The following ITPR3 variants were observed in gnomAD, a reference collection of about 807,000 sequenced individuals.
The protein encoded by ITPR3 is inositol 1,4,5-trisphosphate receptor type 3.
In ITPR3, 173 loss-of-function variants were observed where a neutral mutation model predicts 293.2. The ratio of observed to expected loss-of-function variants is 0.59; its 90% CI spans 0.52 to 0.67. ITPR3 has a LOEUF of 0.67. Ranked by LOEUF, ITPR3 falls within the 30% of genes least tolerant of loss-of-function variation. The pLI is 0.00. For missense variants in ITPR3, 2,796 were observed against 3,592.1 expected, an observed-to-expected ratio of 0.78 and a Z score of 5.66; for synonymous variants, 1,295 against 1,444.4, an observed-to-expected ratio of 0.90 and a Z score of 2.35.
Position 33,621,574 on chromosome 6 carries a change from C to G in ITPR3, c.-29C>G. On this transcript the variant is annotated 5_prime_UTR_variant, in exon 1 of 58. Coordinates refer to ENST00000605930, the MANE Select transcript of ITPR3 (RefSeq NM_002224.4). The surrounding 1 kb of genome is among the most constrained non-coding windows in gnomAD (Gnocchi z 7.7). ...TGGCCACGCGCCCCTAGGCGCCCCC[C>G]ACGCCCTGGGCCCCGGAGGGCCGCA... 1 of 1,549,878 alleles carries G rather than the reference C, an allele frequency of 6.5e-7. No homozygotes were observed.
Position 33,688,417 on chromosome 6 carries a change from A to T in ITPR3, c.6554A>T (p.Gln2185Leu), listed in dbSNP as rs764717402. ...TTCCTGCACAACGAGATGGAGTGGC[A>T]GCGCAAGCTCCGCAGTGAGGACCCA... The part of the protein sequence containing the change: ...SSFLHNEMEW[Q>L]RKLRSMPLIY... Residue 2185 changes from glutamine to leucine, a missense_variant, in exon 48 of 58, where the codon CAG becomes CTG. By Grantham distance (113) the Gln-to-Leu change is moderately radical. Around this residue, in one of 8 missense-constraint regions of ITPR3, gnomAD observed 568 missense variants for 796.1 expected, o/e 0.71. Transcript: ENST00000605930. 7 of 1,210,472 alleles carry T rather than the reference A, an allele frequency of 5.8e-6. No individual in the cohort carries two copies. The Admixed American group carries it at 8.5e-5, about 15-fold the overall frequency. The allele number at this position is 1,210,472 out of a possible 1,614,324, so 75.0% of individuals were successfully genotyped here.
intron 7 of ITPR3, among the ~76,000 whole-genome samples, chr6:33,660,443 C>G (rs1224647678): frequency 1.3e-5 from 2 of 151,988 alleles, no homozygotes; most frequent in African/African-American, 4.8e-5. Context: ...TGCCTCAGTC[C>G]CCCACCCTCC....
rs747104131 is a variant in ITPR3, at chr6:33,686,997, C to T, written c.5980-12C>T. On this transcript the variant is annotated splice_polypyrimidine_tract_variant and intron_variant, in intron 43 of 57. Transcript: ENST00000605930. ...GAGACTGTGGCCTGCCTCCCTCTGCCCCTCCACCCAGGACAATGCCTCCAA... is the reference window on the plus strand; with the variant it reads ...GAGACTGTGGCCTGCCTCCCTCTGCTCCTCCACCCAGGACAATGCCTCCAA... The T allele has an allele frequency of 1.9e-6, 3 of 1,609,906 alleles. No individual in the cohort carries two copies. Among genetic ancestry groups the T allele is most frequent in the East Asian group, 4.5e-5 (2 of 44,842 alleles).
At position 33,621,525 on chromosome 6, in the gene ITPR3, C is replaced by A; in HGVS notation, c.-78C>A. 1 of 977,510 alleles carries A rather than the reference C, an allele frequency of 1.0e-6. No individual in the cohort carries two copies. The allele number at this position is 977,510 out of a possible 1,614,324, so 60.6% of individuals were successfully genotyped here. A position where few individuals can be genotyped will look rare whatever the true frequency, so the allele number is the denominator to read the frequency against. The stretch of plus-strand genomic sequence containing the variant: ...AGCGTACCCCTCCCCGCTCCCCGGA[C>A]GCCTCAGTCCTCCGCACTGAGCTTG... On this transcript the variant is annotated 5_prime_UTR_variant, in exon 1 of 58. Coordinates refer to ENST00000605930, the MANE Select transcript of ITPR3 (RefSeq NM_002224.4). The surrounding 1 kb of genome is among the most constrained non-coding windows in gnomAD (Gnocchi z 7.7).
rs1373464784 is a variant in ITPR3, at chr6:33,689,310, C to T, written c.6767C>T (p.Thr2256Ile). 6.2e-7 allele frequency: 1 copy of T among 1,612,832 alleles called. No homozygotes were observed. The highest frequency in any genetic ancestry group is 8.5e-7 in the Non-Finnish European group (1 of 1,180,028). Residue 2256 changes from threonine (T) to isoleucine (I), a missense_variant, in exon 50 of 58, where the codon ACC becomes ATC. This residue lies in a region of ITPR3 where 568 missense variants were observed against 796.1 expected (regional missense o/e 0.71). Transcript: ENST00000605930. ...TGCTTCTCCATCGCGGCCCTGTTCACCAAGCGCTACAGCATCCGCCCCCTC... is the reference window on the plus strand; with the variant it reads ...TGCTTCTCCATCGCGGCCCTGTTCATCAAGCGCTACAGCATCCGCCCCCTC... ...LICFSIAALF[T>I]KRYSIRPLIV...
At chr6:33,628,845 C>T (rs1035471014) in intron 1 of ITPR3, among the ~76,000 whole-genome samples, 2 of 152,278 alleles carry the variant, frequency 1.3e-5, no homozygotes, top group African/African-American at 4.8e-5. Context: ...AAATTGCTCT[C>T]CCCATCGCTC....
At chr6:33,641,630 C>T (rs75343653) in intron 2 of ITPR3, among the ~76,000 whole-genome samples, 2,528 of 152,098 alleles carry the variant, frequency 0.017, 81 homozygotes, top group African/African-American at 0.054. Flanking sequence ...GCCCCTTCAC[C>T]CTACACCGTT....
chr6:33,664,349 A>G lies in ITPR3; in HGVS notation c.1148+469A>G, dbSNP rs1452115808. ...GTGGGAACATCAAGTTTCCCTGTCA[A>G]CAGGGCTAATGGGAGAGTTAATTGA... On this transcript the variant is annotated intron_variant, in intron 11 of 57. Transcript: ENST00000605930. The surrounding 1 kb of genome is among the most constrained non-coding windows in gnomAD (Gnocchi z 4.4). Among the ~76,000 whole-genome samples the G allele has an allele frequency of 3.3e-5, 5 of 152,192 alleles. No individual in the cohort carries two copies. The highest frequency in any genetic ancestry group is 9.6e-5 in the African/African-American group (4 of 41,456).
chr6:33,634,166 G>A (rs146770586), intron 1 of ITPR3, among the ~76,000 whole-genome samples: 1 of 152,280 alleles, frequency 6.6e-6, no homozygotes, highest in Non-Finnish European at 1.5e-5. Flanking sequence ...AGTACGCACA[G>A]AGACACGGGT....
At position 33,680,470 on chromosome 6, in the gene ITPR3, G is replaced by A; in HGVS notation, c.4350+16G>A. 1 of 1,612,372 alleles carries A rather than the reference G, an allele frequency of 6.2e-7. No individual in the cohort carries two copies. On this transcript the variant is annotated intron_variant, in intron 32 of 57. Transcript: ENST00000605930. ...CATGGCCCGGGTCTGTCCCTGTGAGGGGTGTGGGTGAAGCCCCCCAGGAGG... is the reference window on the plus strand; with the variant it reads ...CATGGCCCGGGTCTGTCCCTGTGAGAGGTGTGGGTGAAGCCCCCCAGGAGG...
chr6:33,669,183 C>G (rs369432667), intron 18 of ITPR3, 27 bp downstream of exon 18: 11 of 1,605,148 alleles, frequency 6.9e-6, no homozygotes, highest in Non-Finnish European at 9.4e-6. Context: ...CCTCCCCTCC[C>G]TCTTCCTGTG....
chr6:33,691,103 T>C lies in ITPR3; in HGVS notation c.7219T>C (p.Ser2407Pro), dbSNP rs756356944. 1 of 1,613,954 alleles carries C rather than the reference T, an allele frequency of 6.2e-7. No individual in the cohort carries two copies. Among genetic ancestry groups the C allele is most frequent in the South Asian group, 1.1e-5 (1 of 91,066 alleles). The change falls in exon 52 of 58, where the codon TCC becomes CCC. Residue 2407 changes from serine to proline, a missense_variant. Transcript: ENST00000605930. This position sits in a 1 kb window ranked among gnomAD's most constrained non-coding sequence, Gnocchi z 4.9. ...LEVDRLPNNH[S>P]TASPLGMPHG... ...GGTCGACCGGCTGCCCAACAACCAC[T>C]CCACAGGTCTTGGAGGCTTCCTCTC... is the stretch of plus-strand genomic sequence containing the variant.
chr6:33,695,310 CA>C, intron 57 of ITPR3: 1 of 590,818 alleles, frequency 1.7e-6, no homozygotes, highest in Non-Finnish European at 3.0e-6. Flanking sequence ...AACTTTAGTA[CA>C]GGGTGGTGGG....
rs761602777 is a variant in ITPR3, at chr6:33,684,644, G to A, written c.5093G>A (p.Arg1698Gln). The A allele has an allele frequency of 1.2e-5, 19 of 1,613,610 alleles. No homozygotes were observed. Among genetic ancestry groups the A allele is most frequent in the Admixed American group, 6.7e-5 (4 of 60,010 alleles). The stretch of plus-strand genomic sequence containing the variant: ...CTGCTGCAAAACTACCTCCAGAACC[G>A]GAAGTCCACCTCGCGGGGGGACCTT... ...KMLLQNYLQN[R>Q]KSTSRGDLPD... Residue 1698 changes from arginine (R) to glutamine (Q), a missense_variant, in exon 38 of 58, where the codon CGG becomes CAG. Arg to Gln is a conservative substitution (Grantham distance 43). Coordinates refer to ENST00000605930, the MANE Select transcript of ITPR3 (RefSeq NM_002224.4). The surrounding 1 kb of genome is among the most constrained non-coding windows in gnomAD (Gnocchi z 4.2).
At chr6:33,686,024 G>C (rs1023669464) in intron 41 of ITPR3, 29 bp from the exon 42 acceptor site, 1 of 1,612,010 alleles carries the variant, frequency 6.2e-7, no homozygotes, top group Non-Finnish European at 8.5e-7. Context: ...CTGTAGCTGT[G>C]CTGTGCCCAA....
chr6:33,668,101 C>G, intron 16 of ITPR3, 137 bp downstream of exon 16: 1 of 1,007,800 alleles, frequency 9.9e-7, no homozygotes, highest in Non-Finnish European at 1.4e-6. Context: ...TGGCTCAGCA[C>G]TGGGAGGCCC....
chr6:33,667,317 C>G lies in ITPR3; in HGVS notation c.1713+27C>G. 1 of 1,603,850 alleles carries G rather than the reference C, an allele frequency of 6.2e-7. No individual in the cohort carries two copies. The highest frequency in any genetic ancestry group is 8.5e-7 in the Non-Finnish European group (1 of 1,175,122). ...TGCGCCGCTGCCCTGCTGGCCCACTCGCTGGCTGCACGTTCCTTCCTCAGC... is the reference window on the plus strand; with the variant it reads ...TGCGCCGCTGCCCTGCTGGCCCACTGGCTGGCTGCACGTTCCTTCCTCAGC... On this transcript the variant is annotated intron_variant, in intron 15 of 57. Transcript: ENST00000605930. The surrounding 1 kb of genome is among the most constrained non-coding windows in gnomAD (Gnocchi z 4.4).
intron 9 of ITPR3, 39 bp from the exon 10 acceptor site, chr6:33,663,461 G>A: frequency 6.3e-7 from 1 of 1,577,192 alleles, no homozygotes; most frequent in Non-Finnish European, 8.6e-7. Flanking sequence ...GTATAGTTTG[G>A]TGTCCAGTAG....
chr6:33,683,228 T>A lies in ITPR3; in HGVS notation c.4619T>A (p.Leu1540Gln). Reference protein sequence around the residue: ...AMVAKGRAILLPMDLDAHISS... With the variant: ...AMVAKGRAILQPMDLDAHISS... ...CCAGCCAAGGGCCGGGCCATCTTGC[T>A]GCCCATGGACCTGGATGCCCACATC... is the stretch of plus-strand genomic sequence containing the variant. The change falls in exon 35 of 58, where the codon CTG becomes CAG. Residue 1540 changes from leucine to glutamine, a missense_variant. This residue lies in a region of ITPR3 where 704 missense variants were observed against 797.5 expected (regional missense o/e 0.88). Transcript: ENST00000605930. This position sits in a 1 kb window ranked among gnomAD's most constrained non-coding sequence, Gnocchi z 4.5. 6.5e-7 allele frequency: 1 copy of A among 1,540,864 alleles called. No individual in the cohort carries two copies.
Sources: allele counts gnomAD v4.1 joint callset (sites outside exome capture counted in the v4.1 genomes callset), GRCh38; gene constraint gnomAD v4.1.1; regional missense constraint gnomAD v4.1.1; non-coding constraint Gnocchi (gnomAD v3.1); transcripts MANE v1.5; gene names NCBI Gene and HGNC (gene_info 2026-07-23, HGNC 2026-07-21).